Variants in RGS6 observed in about 807,000 individuals in gnomAD.
RGS6 encodes regulator of G-protein signaling 6.
RGS6 carries 30 observed loss-of-function variants against 78.5 expected under a neutral mutation model. The observed-to-expected ratio is 0.38, with a 90% CI of 0.29 to 0.52. The LOEUF is 0.52. Ranked by LOEUF, RGS6 falls within the 20% of genes least tolerant of loss-of-function variation. The pLI is 0.85. For synonymous variants in RGS6, 206 were observed against 206.0 expected (o/e 1.00, Z 0.00); for missense variants, 495 against 609.7 (o/e 0.81, Z 1.98).
chr14:71,937,940 T>G (rs2089795635), intron 1 of RGS6, among the ~76,000 whole-genome samples: 1 of 152,212 alleles, frequency 6.6e-6, no homozygotes, highest in Admixed American at 6.5e-5. Context: ...ATTTGGGCAC[T>G]CAGCAGTGAT....
chr14:72,417,654 CA>C, intron 3 of RGS6, among the ~76,000 whole-genome samples: 1 of 152,202 alleles, frequency 6.6e-6, no homozygotes, highest in East Asian at 1.9e-4. Flanking sequence ...ACCTTGGGCT[CA>C]TTATTTAGCA....
chr14:72,026,345 T>C (rs914471439), intron 2 of RGS6, among the ~76,000 whole-genome samples: 1 of 152,082 alleles, frequency 6.6e-6, no homozygotes, highest in Admixed American at 6.6e-5. Flanking sequence ...AGGCAGAGGT[T>C]GCAGTGAGCT....
chr14:72,393,009 C>T (rs1566715689), intron 3 of RGS6, among the ~76,000 whole-genome samples: 1 of 152,144 alleles, frequency 6.6e-6, no homozygotes, highest in South Asian at 2.1e-4. Flanking sequence ...CTCTTAATGG[C>T]CAAATCAAAT....
At chr14:72,300,294 A>T (rs2065787189) in intron 2 of RGS6, among the ~76,000 whole-genome samples, 1 of 152,134 alleles carries the variant, frequency 6.6e-6, no homozygotes, top group African/African-American at 2.4e-5. Flanking sequence ...ATTTATAGAT[A>T]AAAAAATGAA....
chr14:72,604,642 T>C, the RGS6 span, among the ~76,000 whole-genome samples: 14 of 152,228 alleles, frequency 9.2e-5, no homozygotes, highest in South Asian at 1.9e-3. Context: ...TGGACACAGA[T>C]GACCCAGGGG....
chr14:71,941,501 T>C (rs1057138275), intron 1 of RGS6, among the ~76,000 whole-genome samples: 2 of 152,056 alleles, frequency 1.3e-5, no homozygotes, highest in African/African-American at 4.8e-5. Flanking sequence ...TCTTAGGGAG[T>C]TTATTAAGTA....
intron 2 of RGS6, among the ~76,000 whole-genome samples, chr14:72,066,569 C>T (rs2094158071): frequency 1.4e-5 from 2 of 146,758 alleles, no homozygotes; most frequent in African/African-American, 5.0e-5. Context: ...AGTGGCATCT[C>T]CAAGGAATAG....
At chr14:72,578,259 C>T in the RGS6 span, among the ~76,000 whole-genome samples, 1 of 152,162 alleles carries the variant, frequency 6.6e-6, no homozygotes, top group East Asian at 1.9e-4. Flanking sequence ...TCACATCCTC[C>T]TCCTTCCATA....
chr14:71,976,130 T>C (rs1259303342), intron 2 of RGS6, among the ~76,000 whole-genome samples: 2 of 151,842 alleles, frequency 1.3e-5, no homozygotes, highest in African/African-American at 4.8e-5. Flanking sequence ...CCTAAACTTA[T>C]TAATCATAAT....
At chr14:71,903,479 G>T in the RGS6 span, among the ~76,000 whole-genome samples, 3 of 152,256 alleles carry the variant, frequency 2.0e-5, no homozygotes, top group African/African-American at 7.2e-5. Flanking sequence ...TACTGCTAGT[G>T]TCTCATATCC....
chr14:72,142,610 G>A (rs1287665573), intron 2 of RGS6, among the ~76,000 whole-genome samples: 1 of 152,142 alleles, frequency 6.6e-6, no homozygotes, highest in Non-Finnish European at 1.5e-5. Flanking sequence ...ATCCAGAGGA[G>A]GCATCAGCTG....
At chr14:72,572,644 A>ACTCTCTAGGAGATT in the RGS6 span, among the ~76,000 whole-genome samples, 290 of 152,334 alleles carry the variant, frequency 1.9e-3, 2 homozygotes, top group African/African-American at 6.1e-3. Context: ...AGAGACAACA[A>ACTCTCTAGGAGATT]GGTGGGGTGG....
intron 3 of RGS6, among the ~76,000 whole-genome samples, chr14:72,442,615 T>G (rs1249944948): frequency 1.3e-5 from 2 of 152,194 alleles, no homozygotes; most frequent in African/African-American, 4.8e-5. Flanking sequence ...AATGATAAAC[T>G]CACCACTTAC....
At chr14:71,943,437 A>C (rs2090977196) in intron 1 of RGS6, among the ~76,000 whole-genome samples, 1 of 152,162 alleles carries the variant, frequency 6.6e-6, no homozygotes, top group Non-Finnish European at 1.5e-5. Context: ...TAAGTGTTTC[A>C]GGATAATGGT....
At chr14:71,972,158 C>T (rs555102842) in intron 2 of RGS6, among the ~76,000 whole-genome samples, 1 of 152,022 alleles carries the variant, frequency 6.6e-6, no homozygotes, top group South Asian at 2.1e-4. Flanking sequence ...CTCCCCCAGC[C>T]CAATTTTGGA....
the RGS6 span, among the ~76,000 whole-genome samples, chr14:72,597,609 A>G: frequency 2.0e-5 from 3 of 149,878 alleles, no homozygotes; most frequent in African/African-American, 7.3e-5. Context: ...AAATTGACAC[A>G]TAATAATTGT....
intron 2 of RGS6, among the ~76,000 whole-genome samples, chr14:72,234,579 A>T (rs995326179): frequency 6.6e-6 from 1 of 152,274 alleles, no homozygotes; most frequent in Middle Eastern, 3.4e-3. Flanking sequence ...TGACAGGGTT[A>T]CAGAGCTGTG....
intron 2 of RGS6, among the ~76,000 whole-genome samples, chr14:72,161,388 TA>T (rs878953450): frequency 2.6e-5 from 4 of 151,800 alleles, no homozygotes; most frequent in East Asian, 1.9e-4. Flanking sequence ...AGTATAATAA[TA>T]AAAAAAAGCA....
At chr14:71,975,514 A>G (rs1410861596) in intron 2 of RGS6, among the ~76,000 whole-genome samples, 2 of 151,496 alleles carry the variant, frequency 1.3e-5, no homozygotes, top group East Asian at 3.9e-4. Flanking sequence ...GCTGGAGTGC[A>G]GTGGTGCAAC....
Sources: allele counts gnomAD v4.1 joint callset (sites outside exome capture counted in the v4.1 genomes callset), GRCh38; gene constraint gnomAD v4.1.1; transcripts MANE v1.5; gene names NCBI Gene and HGNC (gene_info 2026-07-23, HGNC 2026-07-21).